BRWD1: variants seen among roughly 807,000 people sequenced by gnomAD.
BRWD1 encodes bromodomain and WD repeat domain containing 1.
Under a neutral mutation model 251.2 loss-of-function variants are expected in BRWD1, and 82 were observed. That is an observed-to-expected ratio of 0.33 (90% CI 0.27 to 0.39). BRWD1 has a LOEUF of 0.39. Among genes scored for constraint, BRWD1 ranks in the 10% least tolerant of loss-of-function variants. The pLI is 1.00. For missense variants in BRWD1, 2,233 were observed against 2,711.6 expected, an observed-to-expected ratio of 0.82 and a Z score of 3.92; for synonymous variants, 918 against 902.8, an observed-to-expected ratio of 1.02 and a Z score of -0.30.
At chr21:39,236,821 G>T in intron 22 of BRWD1, 37 bp from the exon 23 acceptor site, 1 of 1,558,118 alleles carries the variant, frequency 6.4e-7, no homozygotes, top group South Asian at 1.1e-5. Flanking sequence ...AATGGAGCCA[G>T]AATATAAGCA....
chr21:39,206,025 C>T, intron 37 of BRWD1, 83 bp downstream of exon 37: 3 of 1,373,958 alleles, frequency 2.2e-6, no homozygotes, highest in Non-Finnish European at 3.0e-6. Flanking sequence ...GATCATGCCA[C>T]TGCACTCCAG....
chr21:39,320,727 A>G (rs1007955879), intron 1 of BRWD1, among the ~76,000 whole-genome samples: 5 of 143,022 alleles, frequency 3.5e-5, no homozygotes, highest in Non-Finnish European at 6.0e-5. Flanking sequence ...CTGGAGTGCA[A>G]TGGCATGATC....
At position 39,187,489 on chromosome 21, in the gene BRWD1, C is replaced by G; in HGVS notation, c.*8770G>C. On this transcript the variant is annotated 3_prime_UTR_variant, in exon 41 of 41. Coordinates refer to ENST00000342449, the MANE Select transcript of BRWD1 (RefSeq NM_033656.4). ...CAAGATTTTACTACTGCTAACATTC[C>G]TCAACAACACTCATTCGGAAACAAT... The G allele has an allele frequency of 6.8e-7, 1 of 1,476,974 alleles. No individual in the cohort carries two copies. The highest frequency in any genetic ancestry group is 9.0e-7 in the Non-Finnish European group (1 of 1,117,136). The allele number at this position is 1,476,974 out of a possible 1,614,324, so 91.5% of individuals were successfully genotyped here. A position where few individuals can be genotyped will look rare whatever the true frequency, so the allele number is the denominator to read the frequency against.
intron 8 of BRWD1, among the ~76,000 whole-genome samples, chr21:39,289,695 T>C (rs1353599241): frequency 7.2e-6 from 1 of 138,020 alleles, no homozygotes; most frequent in Non-Finnish European, 1.5e-5. Context: ...AAAATATTAC[T>C]TCTTTGTCTA....
At chr21:39,304,619 C>CA (rs56713321) in intron 4 of BRWD1, among the ~76,000 whole-genome samples, 134,378 of 148,096 alleles carry the variant, frequency 0.91, 61,184 homozygotes, top group Middle Eastern at 0.94. Context: ...GTCTGGAAAA[C>CA]AAAAAAAAAA....
At chr21:39,298,766 C>T (rs2036026745) in intron 4 of BRWD1, among the ~76,000 whole-genome samples, 184 bp from the exon 5 acceptor site, 1 of 152,106 alleles carries the variant, frequency 6.6e-6, no homozygotes, top group Admixed American at 6.6e-5. Context: ...AGATTCAAAC[C>T]TGTAACACTC....
At chr21:39,305,939 C>T (rs962489712) in intron 4 of BRWD1, among the ~76,000 whole-genome samples, 19 of 151,412 alleles carry the variant, frequency 1.3e-4, no homozygotes, top group Non-Finnish European at 2.1e-4. Flanking sequence ...GACACTGAAT[C>T]GGGAGGATCA....
At chr21:39,294,162 A>AC in intron 7 of BRWD1, 130 bp from the exon 8 acceptor site, 5 of 720,626 alleles carry the variant, frequency 6.9e-6, no homozygotes, top group Non-Finnish European at 1.1e-5. Flanking sequence ...TTATTTATGT[A>AC]ATAAATTATG....
chr21:39,211,506 T>C (rs898606094), intron 34 of BRWD1, among the ~76,000 whole-genome samples: 1 of 152,046 alleles, frequency 6.6e-6, no homozygotes, highest in Admixed American at 6.6e-5. Flanking sequence ...TGGAACAAGG[T>C]GACCTGGAGC....
chr21:39,255,343 TG>T (rs1214197418), intron 19 of BRWD1, among the ~76,000 whole-genome samples: 2 of 149,376 alleles, frequency 1.3e-5, no homozygotes, highest in South Asian at 2.1e-4. Context: ...TCCCGGGAGG[TG>T]GAGGTTGCAG....
At chr21:39,292,494 G>C (rs2035845449) in intron 8 of BRWD1, among the ~76,000 whole-genome samples, 1 of 152,102 alleles carries the variant, frequency 6.6e-6, no homozygotes, top group South Asian at 2.1e-4. Flanking sequence ...CTCTATCAGT[G>C]ATGAAATACT....
chr21:39,254,134 C>T (rs1354417789), intron 19 of BRWD1, among the ~76,000 whole-genome samples: 2 of 152,076 alleles, frequency 1.3e-5, no homozygotes, highest in African/African-American at 4.8e-5. Context: ...GGCGTGGTGG[C>T]GCATGCCTGT....
chr21:39,236,759 A>G lies in BRWD1; in HGVS notation c.2602T>C (p.Trp868Arg). 6.2e-7 allele frequency: 1 copy of G among 1,613,780 alleles called. No homozygotes were observed. Among genetic ancestry groups the G allele is most frequent in the East Asian group, 2.2e-5 (1 of 44,888 alleles). ...AAATTGATGCCCGCATCAGCTGTCC[A>G]ATCGGAATATCTAGATGAAGAGTCA... is the stretch of plus-strand genomic sequence containing the variant. The part of the protein sequence containing the change: ...SSDSSSRYSD[W>R]TADAGINLQP... Residue 868 changes from tryptophan (W) to arginine (R), a missense_variant, in exon 23 of 41, where the codon TGG becomes CGG. Transcript: ENST00000342449.
chr21:39,192,437 G>C lies in BRWD1; in HGVS notation c.*3822C>G. The C allele has an allele frequency of 1.0e-6, 1 of 985,080 alleles. No individual in the cohort carries two copies. The highest frequency in any genetic ancestry group is 1.2e-6 in the Non-Finnish European group (1 of 829,792). 61.0% of individuals were successfully genotyped at this position (985,080 alleles called of 1,614,324 possible). A position where few individuals can be genotyped will look rare whatever the true frequency, so the allele number is the denominator to read the frequency against. On this transcript the variant is annotated 3_prime_UTR_variant, in exon 41 of 41. Transcript: ENST00000342449. ...CAAACTGTTAAGTTGCAAATTTCTT[G>C]GGGTTTCTGCTTTATTATTTCCTTG...
At chr21:39,298,927 A>C (rs935334893) in intron 4 of BRWD1, among the ~76,000 whole-genome samples, 4 of 152,198 alleles carry the variant, frequency 2.6e-5, no homozygotes, top group African/African-American at 9.6e-5. Context: ...ACTTTACTCA[A>C]AATTGCACTA....
At position 39,199,228 on chromosome 21, in the gene BRWD1, G is replaced by A. The variant is rs376541951; in HGVS notation, c.5188C>T (p.Arg1730Trp). 62 of 1,613,884 alleles carry A rather than the reference G, an allele frequency of 3.8e-5. No homozygotes were observed. Among genetic ancestry groups the A allele is most frequent in the Middle Eastern group, 1.6e-4 (1 of 6,084 alleles). ...TAACCATTAGCATGCCAATTTTTCC[G>A]GGCTACCCGCAAATCACTTTCTGAC... is the stretch of plus-strand genomic sequence containing the variant. ...SESESDLRVARKNWHANGYKS... is the reference protein window; with the variant it reads ...SESESDLRVAWKNWHANGYKS... Residue 1730 changes from arginine (R) to tryptophan (W), a missense_variant, in exon 40 of 41, where the codon CGG becomes TGG. This residue lies in a region of BRWD1 where 928 missense variants were observed against 970.0 expected (regional missense o/e 0.96). Coordinates refer to ENST00000342449, the MANE Select transcript of BRWD1 (RefSeq NM_033656.4).
intron 5 of BRWD1, chr21:39,297,125 A>G: frequency 1.0e-6 from 1 of 985,412 alleles, no homozygotes; most frequent in African/African-American, 1.7e-5. Context: ...CACTAAGAAA[A>G]AAAAGTCTGC....
At chr21:39,247,943 A>G in intron 20 of BRWD1, 111 bp from the exon 21 acceptor site, 2 of 1,247,472 alleles carry the variant, frequency 1.6e-6, no homozygotes, top group Non-Finnish European at 2.1e-6. Context: ...AAAGAAAAAA[A>G]GGCTTAAAAA....
At chr21:39,241,501 A>AAAAAAAAAAAAAAT (rs2033997079) in intron 21 of BRWD1, among the ~76,000 whole-genome samples, 1 of 142,354 alleles carries the variant, frequency 7.0e-6, no homozygotes, top group African/African-American at 2.8e-5. Flanking sequence ...AAAAAAAAAA[A>AAAAAAAAAAAAAAT]AAAAAAAAAA....
Sources: allele counts gnomAD v4.1 joint callset (sites outside exome capture counted in the v4.1 genomes callset), GRCh38; gene constraint gnomAD v4.1.1; regional missense constraint gnomAD v4.1.1; transcripts MANE v1.5; gene names NCBI Gene and HGNC (gene_info 2026-07-23, HGNC 2026-07-21).